The following CHRM3 variants were observed in gnomAD, a reference collection of about 807,000 sequenced individuals.
The protein encoded by CHRM3 is muscarinic acetylcholine receptor M3.
A neutral mutation model predicts 41.8 loss-of-function variants in CHRM3; 11 were observed. That is an observed-to-expected ratio of 0.26 (90% CI 0.17 to 0.44). The LOEUF is 0.44. Ranked by LOEUF, CHRM3 falls within the 20% of genes least tolerant of loss-of-function variation. CHRM3 has a pLI of 1.00. For missense variants in CHRM3, 571 were observed against 745.4 expected (o/e 0.77, Z 2.72); for synonymous variants, 297 against 301.4 (o/e 0.99, Z 0.15).
Position 239,908,482 on chromosome 1 carries a change from C to A in CHRM3, c.1031C>A (p.Ala344Asp). 1 of 1,610,042 alleles carries A rather than the reference C, an allele frequency of 6.2e-7. No homozygotes were observed. Among genetic ancestry groups the A allele is most frequent in the Non-Finnish European group, 8.5e-7 (1 of 1,177,784 alleles). The change falls in exon 7 of 7, where the codon GCC becomes GAC. Residue 344 changes from alanine (A) to aspartate (D), a missense_variant. By Grantham distance (126) the Ala-to-Asp change is moderately radical. Transcript: ENST00000676153. The surrounding 1 kb of genome is among the most constrained non-coding windows in gnomAD (Gnocchi z 7.2). ...SDSWNNNDAA[A>D]SLENSASSDE... The stretch of plus-strand genomic sequence containing the variant: ...AGTTGGAACAACAATGATGCTGCTG[C>A]CTCCCTGGAGAACTCCGCCTCCTCC...
rs1207400550 is a variant in CHRM3, at chr1:239,387,249, CA to C, written c.-521+23del. The C allele has an allele frequency of 6.6e-6, 1 of 151,904 alleles. No individual in the cohort carries two copies. The highest frequency in any genetic ancestry group is 6.6e-5 in the Admixed American group (1 of 15,236). 9.4% of individuals were successfully genotyped at this position (151,904 alleles called of 1,614,324 possible). On this transcript the variant is annotated intron_variant, in intron 1 of 6. Transcript: ENST00000676153. This position sits in a 1 kb window ranked among gnomAD's most constrained non-coding sequence, Gnocchi z 5.1. ...CCAGGTAGGGACGGCGCCCGCCACCCAGGCGCTGGGCAGAGCGGGTGGCGGT... is the reference window on the plus strand; with the variant it reads ...CCAGGTAGGGACGGCGCCCGCCACCCGGCGCTGGGCAGAGCGGGTGGCGGT...
chr1:239,911,705 C>T lies in CHRM3; in HGVS notation c.*2481C>T, dbSNP rs1359033269. 2 of 166,992 alleles carry T rather than the reference C, an allele frequency of 1.2e-5. No homozygotes were observed. Among genetic ancestry groups the T allele is most frequent in the African/African-American group, 4.8e-5 (2 of 41,432 alleles). The allele number at this position is 166,992 out of a possible 1,614,324, so 10.3% of individuals were successfully genotyped here. A position where few individuals can be genotyped will look rare whatever the true frequency, so the allele number is the denominator to read the frequency against. ...TAGCAGAAAAGGAACAAATCCAAGA[C>T]TCTAGGTCTCCCTTTTTTGTTTTAC... is the stretch of plus-strand genomic sequence containing the variant. On this transcript the variant is annotated 3_prime_UTR_variant, in exon 7 of 7. Coordinates refer to ENST00000676153, the MANE Select transcript of CHRM3 (RefSeq NM_001375978.1).
chr1:239,873,538 T>A (rs897151843), intron 6 of CHRM3, among the ~76,000 whole-genome samples: 3 of 149,154 alleles, frequency 2.0e-5, no homozygotes, highest in African/African-American at 7.5e-5. Context: ...TTCCCCTCCC[T>A]ATGTCCATGT....
At chr1:239,685,107 G>A (rs1052550916) in intron 5 of CHRM3, among the ~76,000 whole-genome samples, 4 of 152,022 alleles carry the variant, frequency 2.6e-5, no homozygotes, top group Admixed American at 2.0e-4. Flanking sequence ...AGGGCATTTC[G>A]GCTTTAATGA....
intron 1 of CHRM3, among the ~76,000 whole-genome samples, chr1:239,446,179 C>T (rs1376492816): frequency 6.6e-6 from 1 of 152,140 alleles, no homozygotes; most frequent in African/African-American, 2.4e-5. Flanking sequence ...TCGTGATCCG[C>T]CCGCCTTGGC....
At chr1:239,894,975 C>T (rs1228096794) in intron 6 of CHRM3, among the ~76,000 whole-genome samples, 1 of 152,170 alleles carries the variant, frequency 6.6e-6, no homozygotes, top group Admixed American at 6.5e-5. Flanking sequence ...ATATGGCAAG[C>T]ATTCACTGCC....
intron 2 of CHRM3, among the ~76,000 whole-genome samples, chr1:239,527,527 G>A (rs1287942990): frequency 6.6e-6 from 1 of 152,118 alleles, no homozygotes; most frequent in Non-Finnish European, 1.5e-5. Flanking sequence ...GCCATGTGCT[G>A]TTTCTCAGGT....
intron 1 of CHRM3, among the ~76,000 whole-genome samples, chr1:239,420,240 C>G (rs1558210176): frequency 6.6e-6 from 1 of 152,206 alleles, no homozygotes; most frequent in Non-Finnish European, 1.5e-5. Context: ...CTTTATTGTA[C>G]TCAACTGTTT....
At position 239,618,295 on chromosome 1, in the gene CHRM3, T is replaced by A. The variant is rs1461318292; in HGVS notation, c.-312-13929T>A. ...TTTCTTTCTTTTTTTTTTTTTTTTT[T>A]AATGACAAGCAGAGTGGTAAGGCAC... On this transcript the variant is annotated intron_variant, in intron 3 of 6. Coordinates refer to ENST00000676153, the MANE Select transcript of CHRM3 (RefSeq NM_001375978.1). 7.5e-4 allele frequency among the ~76,000 whole-genome samples: 107 copies of A among 142,016 alleles called. 1 individual carries two copies. The highest frequency in any genetic ancestry group is 2.6e-3 in the African/African-American group (99 of 37,448). 93.2% of individuals were successfully genotyped at this position (142,016 alleles called of 152,430 possible). A position where few individuals can be genotyped will look rare whatever the true frequency, so the allele number is the denominator to read the frequency against.
At chr1:239,612,999 T>A (rs1164014570) in intron 3 of CHRM3, among the ~76,000 whole-genome samples, 1 of 152,202 alleles carries the variant, frequency 6.6e-6, no homozygotes, top group Non-Finnish European at 1.5e-5. Flanking sequence ...TAATGAAAAC[T>A]GCCTGGCATT....
At chr1:239,532,441 C>T (rs200936054) in intron 2 of CHRM3, among the ~76,000 whole-genome samples, 135 of 150,732 alleles carry the variant, frequency 9.0e-4, no homozygotes, top group African/African-American at 3.2e-3. Context: ...TCCTGGCCAA[C>T]GTGGTGAAAC....
chr1:239,661,484 A>T (rs1673185426), intron 4 of CHRM3, among the ~76,000 whole-genome samples: 1 of 152,220 alleles, frequency 6.6e-6, no homozygotes, highest in Non-Finnish European at 1.5e-5. Context: ...TAGCAATAAA[A>T]AGAATGAGCT....
rs1361734812 is a variant in CHRM3 at position 239,912,174 on chromosome 1, T to TTC, written c.*2961_*2962dup. Reference sequence around the variant, plus strand: ...TCTCTCTCTTTCTCCCTCTTCTTCCTTCTCTCTCTCTCACAAGCACACACA... The same window carrying TTC: ...TCTCTCTCTTTCTCCCTCTTCTTCCTTCTCTCTCTCTCTCACAAGCACACACA... On this transcript the variant is annotated 3_prime_UTR_variant, in exon 7 of 7. Coordinates refer to ENST00000676153, the MANE Select transcript of CHRM3 (RefSeq NM_001375978.1). The TTC allele has an allele frequency of 1.2e-5, 2 of 166,098 alleles. No individual in the cohort carries two copies. The highest frequency in any genetic ancestry group is 2.4e-5 in the African/African-American group (1 of 41,192). The allele number at this position is 166,098 out of a possible 1,614,324, so 10.3% of individuals were successfully genotyped here. A position where few individuals can be genotyped will look rare whatever the true frequency, so the allele number is the denominator to read the frequency against.
intron 6 of CHRM3, among the ~76,000 whole-genome samples, chr1:239,847,423 C>T (rs56912208): frequency 0.01 from 1,594 of 151,942 alleles, 30 homozygotes; most frequent in African/African-American, 0.036. Flanking sequence ...TATTTGATGT[C>T]GATACATTTA....
At chr1:239,555,408 A>G (rs1660256864) in intron 3 of CHRM3, among the ~76,000 whole-genome samples, 1 of 152,196 alleles carries the variant, frequency 6.6e-6, no homozygotes. Flanking sequence ...TGGGATGTGC[A>G]CTTGAGACCT....
chr1:239,678,031 C>A (rs1247616963), intron 4 of CHRM3, among the ~76,000 whole-genome samples, 155 bp from the exon 5 acceptor site: 1 of 152,162 alleles, frequency 6.6e-6, no homozygotes, highest in Non-Finnish European at 1.5e-5. Flanking sequence ...AAAATAATTT[C>A]TTGATGAAGT....
At chr1:239,486,841 A>T (rs1433166905) in intron 1 of CHRM3, among the ~76,000 whole-genome samples, 1 of 152,152 alleles carries the variant, frequency 6.6e-6, no homozygotes, top group Non-Finnish European at 1.5e-5. Context: ...GCGTACGGTA[A>T]TGGGAAGGTT....
At chr1:239,886,395 A>T (rs778738785) in intron 6 of CHRM3, 1 of 152,186 alleles carries the variant, frequency 6.6e-6, no homozygotes, top group African/African-American at 2.4e-5. Flanking sequence ...AATTTAAAAT[A>T]TCACAGGGAA....
intron 1 of CHRM3, among the ~76,000 whole-genome samples, chr1:239,394,591 C>A (rs1362995538): frequency 6.6e-6 from 1 of 152,138 alleles, no homozygotes; most frequent in Non-Finnish European, 1.5e-5. Flanking sequence ...CATTAATGAA[C>A]AACTTTTGGC....
Sources: allele counts gnomAD v4.1 joint callset (sites outside exome capture counted in the v4.1 genomes callset), GRCh38; gene constraint gnomAD v4.1.1; non-coding constraint Gnocchi (gnomAD v3.1); transcripts MANE v1.5; gene names NCBI Gene and HGNC (gene_info 2026-07-23, HGNC 2026-07-21).